The following NAALADL2 variants were observed in gnomAD, a reference collection of about 807,000 sequenced individuals.
The protein encoded by NAALADL2 is inactive N-acetylated-alpha-linked acidic dipeptidase-like protein 2.
In NAALADL2, 76 loss-of-function variants were observed where a neutral mutation model predicts 87.2. The ratio of observed to expected loss-of-function variants is 0.87; its 90% CI spans 0.72 to 1.05. NAALADL2 has a LOEUF of 1.05. Among genes scored for constraint, NAALADL2 ranks in the 50% least tolerant of loss-of-function variants. The pLI, the probability that NAALADL2 is intolerant of heterozygous loss-of-function variation, is 0.00. For missense variants in NAALADL2, 1,089 were observed against 945.8 expected, an observed-to-expected ratio of 1.15 and a Z score of -1.99; for synonymous variants, 354 against 331.0, an observed-to-expected ratio of 1.07 and a Z score of -0.75.
At position 175,307,182 on chromosome 3, in the gene NAALADL2, T is replaced by TA. The variant is rs1488475406; in HGVS notation, c.940-16986dup. On this transcript the variant is annotated intron_variant, in intron 4 of 13. Coordinates refer to ENST00000454872, the MANE Select transcript of NAALADL2 (RefSeq NM_207015.3). ...CTCCCAGGGTGACAATTTATTAAAT[T>TA]AAAAAAATATACAAATAAGAAAAAT... Among the ~76,000 whole-genome samples, 8 of 152,100 alleles carry TA rather than the reference T, an allele frequency of 5.3e-5. No individual in the cohort carries two copies. In the South Asian group the frequency reaches 1.5e-3, roughly 28 times the overall value.
intron 9 of NAALADL2, among the ~76,000 whole-genome samples, chr3:175,523,456 T>G (rs79230217): frequency 6.6e-6 from 1 of 152,198 alleles, no homozygotes; most frequent in African/African-American, 2.4e-5. Flanking sequence ...CTCTAGATAA[T>G]CCAATATTCT....
chr3:174,746,545 A>G (rs1560190756), intron 3 of NAALADL2, among the ~76,000 whole-genome samples: 1 of 152,150 alleles, frequency 6.6e-6, no homozygotes, highest in Non-Finnish European at 1.5e-5. Flanking sequence ...CCATTAAACT[A>G]CTATTGACTT....
intron 2 of NAALADL2, among the ~76,000 whole-genome samples, chr3:175,201,224 G>A (rs865886119): frequency 3.4e-4 from 51 of 152,160 alleles, no homozygotes; most frequent in African/African-American, 1.1e-3. Context: ...GATATGCTCC[G>A]TAACATTTGT....
chr3:175,017,576 T>C (rs1218380599), intron 1 of NAALADL2, among the ~76,000 whole-genome samples: 1 of 152,070 alleles, frequency 6.6e-6, no homozygotes, highest in Non-Finnish European at 1.5e-5. Flanking sequence ...TCAGCAGGCC[T>C]GTTTTTATGT....
intron 5 of NAALADL2, among the ~76,000 whole-genome samples, chr3:175,425,758 A>G (rs1469703069): frequency 1.3e-5 from 2 of 152,322 alleles, no homozygotes; most frequent in Non-Finnish European, 2.9e-5. Context: ...TTTATCCTAC[A>G]TTGAAAACAA....
intron 1 of NAALADL2, among the ~76,000 whole-genome samples, chr3:174,903,182 A>C (rs891896846): frequency 6.6e-6 from 1 of 152,080 alleles, no homozygotes; most frequent in African/African-American, 2.4e-5. Flanking sequence ...AAAACTGAAG[A>C]GTTGAGCTAA....
chr3:175,069,268 A>G (rs539845165), intron 1 of NAALADL2, among the ~76,000 whole-genome samples: 158 of 150,110 alleles, frequency 1.1e-3, no homozygotes, highest in Middle Eastern at 3.4e-3. Flanking sequence ...CTCATCTGAC[A>G]AAGGGCTAAT....
At chr3:175,442,728 A>T (rs1720012180) in intron 5 of NAALADL2, among the ~76,000 whole-genome samples, 1 of 152,234 alleles carries the variant, frequency 6.6e-6, no homozygotes, top group African/African-American at 2.4e-5. Flanking sequence ...TATCTGGATT[A>T]CAAAGAGTGC....
At chr3:174,895,463 A>G (rs368968001) in intron 1 of NAALADL2, among the ~76,000 whole-genome samples, 1 of 152,148 alleles carries the variant, frequency 6.6e-6, no homozygotes, top group African/African-American at 2.4e-5. Flanking sequence ...CATGCAACCT[A>G]CCAAGATTGA....
chr3:175,695,789 C>A (rs151019629), intron 11 of NAALADL2, among the ~76,000 whole-genome samples: 1 of 152,060 alleles, frequency 6.6e-6, no homozygotes, highest in Non-Finnish European at 1.5e-5. Flanking sequence ...CTATATGTTT[C>A]AAATTTGTAA....
At chr3:175,059,936 G>A (rs368712194) in intron 1 of NAALADL2, 2 of 416,520 alleles carry the variant, frequency 4.8e-6, no homozygotes, top group African/African-American at 2.1e-5. Context: ...ACATCTGCTT[G>A]TGGTGGCACA....
intron 9 of NAALADL2, among the ~76,000 whole-genome samples, chr3:175,475,003 T>A (rs1248458621): frequency 7.2e-6 from 1 of 139,634 alleles, no homozygotes; most frequent in East Asian, 2.3e-4. Flanking sequence ...TTATACATTC[T>A]TTCATGCACA....
At chr3:174,771,856 A>G (rs1022862605) in intron 3 of NAALADL2, among the ~76,000 whole-genome samples, 3 of 152,220 alleles carry the variant, frequency 2.0e-5, no homozygotes, top group African/African-American at 7.2e-5. Flanking sequence ...AAAACTGACA[A>G]TGACTAACTG....
At chr3:174,756,996 C>G (rs190200993) in intron 3 of NAALADL2, among the ~76,000 whole-genome samples, 8 of 152,222 alleles carry the variant, frequency 5.3e-5, no homozygotes, top group Admixed American at 5.2e-4. Context: ...TTTGGTGTCT[C>G]TGTAATGCCT....
intron 3 of NAALADL2, among the ~76,000 whole-genome samples, chr3:174,754,841 T>TA (rs1431919759): frequency 6.6e-6 from 1 of 152,218 alleles, no homozygotes; most frequent in Non-Finnish European, 1.5e-5. Context: ...CTAAATGCTT[T>TA]ATATCACTTA....
At chr3:174,663,494 G>A (rs1310455741) in intron 2 of NAALADL2, among the ~76,000 whole-genome samples, 2 of 152,114 alleles carry the variant, frequency 1.3e-5, no homozygotes, top group African/African-American at 4.8e-5. Context: ...GGCAGAAAGG[G>A]GAAGGGGAGA....
At chr3:174,699,412 T>C (rs537079498) in intron 2 of NAALADL2, among the ~76,000 whole-genome samples, 42 of 151,628 alleles carry the variant, frequency 2.8e-4, no homozygotes, top group African/African-American at 9.9e-4. Context: ...GAGAATCCCT[T>C]GAACCTGGGA....
At chr3:175,045,756 A>T (rs1471342026) in intron 1 of NAALADL2, among the ~76,000 whole-genome samples, 1 of 152,184 alleles carries the variant, frequency 6.6e-6, no homozygotes, top group Non-Finnish European at 1.5e-5. Flanking sequence ...GAGAACTAAA[A>T]TATTTTAAGA....
intron 2 of NAALADL2, among the ~76,000 whole-genome samples, chr3:174,595,255 C>G (rs1341993580): frequency 1.3e-5 from 2 of 152,048 alleles, no homozygotes; most frequent in Non-Finnish European, 2.9e-5. Context: ...CTGCCCGCTT[C>G]TTGTCTCTTT....
Sources: allele counts gnomAD v4.1 joint callset (sites outside exome capture counted in the v4.1 genomes callset), GRCh38; gene constraint gnomAD v4.1.1; transcripts MANE v1.5; gene names NCBI Gene and HGNC (gene_info 2026-07-23, HGNC 2026-07-21).